Variants in COG3 observed in about 807,000 individuals in gnomAD.
The protein encoded by COG3 is component of oligomeric golgi complex 3, also known as conserved oligomeric Golgi complex subunit 3.
COG3 carries 32 observed loss-of-function variants against 114.1 expected under a neutral mutation model. The ratio of observed to expected loss-of-function variants is 0.28; its 90% CI spans 0.21 to 0.38. The LOEUF (loss-of-function observed/expected upper bound fraction) is 0.38. Ranked by LOEUF, COG3 falls within the 10% of genes least tolerant of loss-of-function variation. The pLI is 1.00. For missense variants in COG3, 813 were observed against 973.2 expected, an observed-to-expected ratio of 0.84 and a Z score of 2.19; for synonymous variants, 352 against 365.7, an observed-to-expected ratio of 0.96 and a Z score of 0.43.
At chr13:45,516,773 T>C (rs775010813) in intron 17 of COG3, among the ~76,000 whole-genome samples, 13 of 152,194 alleles carry the variant, frequency 8.5e-5, no homozygotes, top group Non-Finnish European at 1.9e-4. Flanking sequence ...CTTCCTTTTA[T>C]GTAAAATGAG....
intron 14 of COG3, among the ~76,000 whole-genome samples, chr13:45,507,767 A>G: frequency 2.6e-5 from 1 of 38,442 alleles, no homozygotes; most frequent in East Asian, 8.0e-4. Context: ...TCTGTCTCAG[A>G]AAAAAAGAAA....
In COG3 at chr13:45,479,017, T is replaced by C. The variant is rs368094987; in HGVS notation, c.334T>C (p.Phe112Leu). Residue 112 changes from phenylalanine (F) to leucine (L), a missense_variant, in exon 3 of 23, where the codon TTT (phenylalanine) becomes CTT (leucine). Physicochemically the swap from Phe to Leu is conservative, Grantham distance 22. This residue lies in a region of COG3 where 424 missense variants were observed against 430.6 expected (regional missense o/e 0.98). Transcript: ENST00000349995. ...IETAQQFFSW[F>L]AKLQTQMDQD... is the part of the protein sequence containing the mutation. ...TCTGTTTTTCCAGTTTTTCTCATGG[T>C]TTGCAAAGCTGCAAACTCAGATGGA... The C allele has an allele frequency of 3.1e-6, 5 of 1,611,042 alleles. No homozygotes were observed. Among genetic ancestry groups the C allele is most frequent in the African/African-American group, 1.3e-5 (1 of 74,812 alleles).
In COG3 at chr13:45,516,275, T is replaced by C. The variant is rs201602389; in HGVS notation, c.1930+12T>C. 130 of 1,570,346 alleles carry C rather than the reference T, an allele frequency of 8.3e-5. No individual in the cohort carries two copies. The Middle Eastern group carries it at 3.9e-3, about 47-fold the overall frequency. On this transcript the variant is annotated intron_variant, in intron 17 of 22. Coordinates refer to ENST00000349995, the MANE Select transcript of COG3 (RefSeq NM_031431.4). ...CAAGAAAACTAGAGGTACTTTGCTGTCCTGGCTGGCACACTTGGGTGTGTT... is the reference window on the plus strand; with the variant it reads ...CAAGAAAACTAGAGGTACTTTGCTGCCCTGGCTGGCACACTTGGGTGTGTT...
chr13:45,524,199 A>G (rs1238176934), intron 19 of COG3, among the ~76,000 whole-genome samples: 1 of 152,106 alleles, frequency 6.6e-6, no homozygotes, highest in Non-Finnish European at 1.5e-5. Flanking sequence ...TTCTAATGAG[A>G]CTTTCCCGTG....
intron 16 of COG3, among the ~76,000 whole-genome samples, chr13:45,513,395 TTATACATATAATATATACATATAAATTA>T (rs1566266011): frequency 0.028 from 2,046 of 72,020 alleles, 2 homozygotes; most frequent in Middle Eastern, 0.052. Flanking sequence ...TACATATAAA[TTATACATATAATATATACATATAAATTA>T]TATATATAAT....
At chr13:45,505,897 T>C (rs900220490) in intron 14 of COG3, among the ~76,000 whole-genome samples, 3 of 152,056 alleles carry the variant, frequency 2.0e-5, no homozygotes, top group African/African-American at 7.2e-5. Flanking sequence ...GCCTGGCCTC[T>C]TTTTACTCTT....
intron 7 of COG3, 60 bp downstream of exon 7, chr13:45,483,415 C>T: frequency 7.3e-7 from 1 of 1,366,970 alleles, no homozygotes; most frequent in Non-Finnish European, 9.8e-7. Context: ...ATTCATTCAT[C>T]TTCCATAATC....
chr13:45,496,396 T>A (rs1327722562), intron 13 of COG3, 84 bp downstream of exon 13: 107 of 1,063,036 alleles, frequency 1.0e-4, no homozygotes, highest in Non-Finnish European at 1.2e-4. Flanking sequence ...AATTTATATA[T>A]TAAAATAGAG....
At chr13:45,514,734 G>A (rs1359890437) in intron 16 of COG3, among the ~76,000 whole-genome samples, 1 of 151,790 alleles carries the variant, frequency 6.6e-6, no homozygotes, top group Non-Finnish European at 1.5e-5. Flanking sequence ...TGCAAGCTCC[G>A]CCTCCCAGGT....
At chr13:45,467,647 A>G (rs71431374) in intron 1 of COG3, among the ~76,000 whole-genome samples, 14,124 of 152,230 alleles carry the variant, frequency 0.093, 821 homozygotes, top group African/African-American at 0.15. Context: ...AATCTTTGAG[A>G]AGGCAGTTCT....
At chr13:45,472,450 A>G (rs1468664762) in intron 1 of COG3, among the ~76,000 whole-genome samples, 2 of 152,074 alleles carry the variant, frequency 1.3e-5, no homozygotes, top group African/African-American at 4.8e-5. Flanking sequence ...TTCTTTTGGG[A>G]TCCCATTTCA....
chr13:45,476,063 A>G lies in COG3; in HGVS notation c.175-138A>G, dbSNP rs561924901. On this transcript the variant is annotated intron_variant, in intron 1 of 22. Transcript: ENST00000349995. ...AGAGCCTAAAATGTTAGTACTATAT[A>G]GTATTTATTAACTTAATGTGATTTA... 9.5e-6 allele frequency: 7 copies of G among 737,970 alleles called. No individual in the cohort carries two copies. The African/African-American group carries it at 1.2e-4, about 13-fold the overall frequency. The allele number at this position is 737,970 out of a possible 1,614,324, so 45.7% of individuals were successfully genotyped here. A position where few individuals can be genotyped will look rare whatever the true frequency, so the allele number is the denominator to read the frequency against.
Position 45,516,179 on chromosome 13 carries a change from C to G in COG3, c.1846C>G (p.Leu616Val). The G allele has an allele frequency of 1.9e-6, 3 of 1,597,690 alleles. No individual in the cohort carries two copies. Among genetic ancestry groups the G allele is most frequent in the Non-Finnish European group, 2.6e-6 (3 of 1,168,056 alleles). Residue 616 changes from leucine (L) to valine (V), a missense_variant, in exon 17 of 23, where the codon CTT (leucine) becomes GTT (valine). Physicochemically the swap from Leu to Val is conservative, Grantham distance 32. This residue lies in a region of COG3 where 389 missense variants were observed against 542.6 expected (regional missense o/e 0.72). Coordinates refer to ENST00000349995, the MANE Select transcript of COG3 (RefSeq NM_031431.4). Reference protein sequence around the residue: ...IDGQLFLIKHLLILREQIAPF... With the variant: ...IDGQLFLIKHVLILREQIAPF... Reference sequence around the variant, plus strand: ...TGGACAACTTTTCTTAATTAAGCACCTTTTGATACTTCGTGAACAAATTGC... The same window carrying G: ...TGGACAACTTTTCTTAATTAAGCACGTTTTGATACTTCGTGAACAAATTGC...
At chr13:45,470,769 G>A (rs1885424516) in intron 1 of COG3, among the ~76,000 whole-genome samples, 1 of 152,240 alleles carries the variant, frequency 6.6e-6, no homozygotes, top group South Asian at 2.1e-4. Flanking sequence ...TTGGAAGACT[G>A]AAGTTTGCCA....
intron 8 of COG3, among the ~76,000 whole-genome samples, chr13:45,489,186 CAAAAAAAAAAAAAA>C (rs71074703): frequency 2.6e-4 from 8 of 30,412 alleles, no homozygotes; most frequent in Non-Finnish European, 4.4e-4. Flanking sequence ...GACTCTGTTT[CAAAAAAAAAAAAAA>C]AAAAAAAAAA....
At chr13:45,519,367 C>CTTGTAGGTTATCTTCTGGTTA (rs1871869078) in intron 19 of COG3, among the ~76,000 whole-genome samples, 2 of 152,144 alleles carry the variant, frequency 1.3e-5, no homozygotes, top group African/African-American at 4.8e-5. Flanking sequence ...TCTGTTTATC[C>CTTGTAGGTTATCTTCTGGTTA]GCCTTGTAGG....
chr13:45,467,924 T>TAC (rs1885248728), intron 1 of COG3, among the ~76,000 whole-genome samples: 2 of 152,220 alleles, frequency 1.3e-5, no homozygotes, highest in Admixed American at 6.5e-5. Context: ...AACTCTTAAG[T>TAC]ACATATCATA....
At chr13:45,495,658 G>A (rs1868685094) in intron 12 of COG3, among the ~76,000 whole-genome samples, 1 of 152,182 alleles carries the variant, frequency 6.6e-6, no homozygotes, top group East Asian at 1.9e-4. Flanking sequence ...GGGATTATAG[G>A]TGTGAGCCAC....
intron 14 of COG3, among the ~76,000 whole-genome samples, chr13:45,505,046 G>C (rs1260332944): frequency 6.6e-6 from 1 of 151,854 alleles, no homozygotes; most frequent in East Asian, 2.0e-4. Context: ...AGTTAGCCAG[G>C]CGTGGCTGCA....
Sources: allele counts gnomAD v4.1 joint callset (sites outside exome capture counted in the v4.1 genomes callset), GRCh38; gene constraint gnomAD v4.1.1; regional missense constraint gnomAD v4.1.1; transcripts MANE v1.5; gene names NCBI Gene and HGNC (gene_info 2026-07-23, HGNC 2026-07-21).